Variants in SEC23IP observed in about 807,000 individuals in gnomAD.
SEC23IP encodes the protein SEC23-interacting protein.
In SEC23IP, 70 loss-of-function variants were observed where a neutral mutation model predicts 113.4. That is an observed-to-expected ratio of 0.62 (90% CI 0.51 to 0.75). The LOEUF is 0.75. Among genes scored for constraint, SEC23IP ranks in the 30% least tolerant of loss-of-function variants. The pLI is 0.00. For missense variants in SEC23IP, 1,160 were observed against 1,204.9 expected (o/e 0.96, Z 0.55); for synonymous variants, 398 against 421.0 (o/e 0.95, Z 0.67).
chr10:119,913,977 C>A (rs561964376), intron 6 of SEC23IP, among the ~76,000 whole-genome samples: 179 of 151,876 alleles, frequency 1.2e-3, no homozygotes, highest in South Asian at 2.1e-3. Flanking sequence ...CTTGGTGAAA[C>A]CCTGTCTCTA....
At chr10:119,900,953 T>TG (rs1171393966) in intron 2 of SEC23IP, among the ~76,000 whole-genome samples, 2 of 151,282 alleles carry the variant, frequency 1.3e-5, no homozygotes, top group Admixed American at 6.6e-5. Flanking sequence ...TATTTTTTTT[T>TG]TGTGTGAACA....
At chr10:119,904,790 C>T (rs980624820) in intron 4 of SEC23IP, 4 of 153,088 alleles carry the variant, frequency 2.6e-5, no homozygotes, top group East Asian at 3.8e-4. Flanking sequence ...ATTTGAAATA[C>T]GTTCAGTGAA....
At chr10:119,921,024 G>A in intron 12 of SEC23IP, 40 bp downstream of exon 12, 1 of 1,384,328 alleles carries the variant, frequency 7.2e-7, no homozygotes. Context: ...TAAAACTCAT[G>A]GTGTGACCAG....
In SEC23IP at chr10:119,943,847, T is replaced by C. The variant is rs888719436; in HGVS notation, c.*3282T>C. On this transcript the variant is annotated 3_prime_UTR_variant, in exon 19 of 19. Transcript: ENST00000369075. ...GACACATCTGTGAGATAGTGGGCAATGCTACATATTCGTTAGTGGATGTGC... is the reference window on the plus strand; with the variant it reads ...GACACATCTGTGAGATAGTGGGCAACGCTACATATTCGTTAGTGGATGTGC... The C allele has an allele frequency of 2.0e-5, 3 of 152,348 alleles. No individual in the cohort carries two copies. Among genetic ancestry groups the C allele is most frequent in the Admixed American group, 2.0e-4 (3 of 15,304 alleles). The allele number at this position is 152,348 out of a possible 1,614,324, so 9.4% of individuals were successfully genotyped here. A position where few individuals can be genotyped will look rare whatever the true frequency, so the allele number is the denominator to read the frequency against.
At position 119,943,391 on chromosome 10, in the gene SEC23IP, T is replaced by G. The variant is rs1215920760; in HGVS notation, c.*2826T>G. Reference sequence around the variant, plus strand: ...TCAGCTAACCTGTCTTCATGACATTTCTATAATACTCCTCAGGGGGTTAAC... The same window carrying G: ...TCAGCTAACCTGTCTTCATGACATTGCTATAATACTCCTCAGGGGGTTAAC... On this transcript the variant is annotated 3_prime_UTR_variant, in exon 19 of 19. Transcript: ENST00000369075. 6.6e-6 allele frequency: 1 copy of G among 152,096 alleles called. No individual in the cohort carries two copies. 9.4% of individuals were successfully genotyped at this position (152,096 alleles called of 1,614,324 possible).
At chr10:119,937,010 C>G (rs764544665) in intron 18 of SEC23IP, among the ~76,000 whole-genome samples, 5 of 151,792 alleles carry the variant, frequency 3.3e-5, no homozygotes, top group Non-Finnish European at 7.4e-5. Context: ...GCCTTAGCCT[C>G]CCGAGTAGCT....
chr10:119,932,081 A>G, intron 15 of SEC23IP, 52 bp from the exon 16 acceptor site: 7 of 1,208,204 alleles, frequency 5.8e-6, no homozygotes, highest in African/African-American at 1.5e-5. Flanking sequence ...TTTGTGAGGC[A>G]GAAGTTTACC....
chr10:119,913,496 C>CTT (rs558792370), intron 6 of SEC23IP, among the ~76,000 whole-genome samples: 7,678 of 144,368 alleles, frequency 0.053, 390 homozygotes, highest in South Asian at 0.27. Flanking sequence ...TTCCATAAAG[C>CTT]TTTTTTTTTT....
chr10:119,943,529 G>C lies in SEC23IP; in HGVS notation c.*2964G>C, dbSNP rs908855885. On this transcript the variant is annotated 3_prime_UTR_variant, in exon 19 of 19. Coordinates refer to ENST00000369075, the MANE Select transcript of SEC23IP (RefSeq NM_007190.4). ...TGCTTGAACCCAGGAGGTGGAGGTTGCAGTGAGTTGGGATCTCGCCACTGC... is the reference window on the plus strand; with the variant it reads ...TGCTTGAACCCAGGAGGTGGAGGTTCCAGTGAGTTGGGATCTCGCCACTGC... The C allele has an allele frequency of 2.0e-5, 3 of 152,240 alleles. No individual in the cohort carries two copies. The highest frequency in any genetic ancestry group is 7.2e-5 in the African/African-American group (3 of 41,446). The allele number at this position is 152,240 out of a possible 1,614,324, so 9.4% of individuals were successfully genotyped here.
intron 1 of SEC23IP, among the ~76,000 whole-genome samples, chr10:119,896,597 A>C (rs1187324170): frequency 1.3e-5 from 2 of 152,212 alleles, no homozygotes; most frequent in Non-Finnish European, 2.9e-5. Flanking sequence ...CAAATATACA[A>C]GTGCCTGTTA....
chr10:119,893,658 T>C (rs1300766926), intron 1 of SEC23IP, among the ~76,000 whole-genome samples: 1 of 151,872 alleles, frequency 6.6e-6, no homozygotes, highest in Non-Finnish European at 1.5e-5. Context: ...TAGCTGGGAC[T>C]ACAGGCGTCT....
chr10:119,898,209 G>A, intron 1 of SEC23IP: 1 of 824,512 alleles, frequency 1.2e-6, no homozygotes, highest in Non-Finnish European at 1.7e-6. Context: ...AATTATAATT[G>A]TTTCCTCTTA....
intron 5 of SEC23IP, among the ~76,000 whole-genome samples, chr10:119,909,772 G>A (rs1175996605): frequency 6.6e-6 from 1 of 151,874 alleles, no homozygotes; most frequent in Non-Finnish European, 1.5e-5. Context: ...GTGTGCACCT[G>A]TCTAGCTACT....
chr10:119,909,649 C>T (rs953978082), intron 5 of SEC23IP, among the ~76,000 whole-genome samples: 8 of 152,010 alleles, frequency 5.3e-5, no homozygotes, highest in Non-Finnish European at 1.0e-4. Context: ...GTAATCCCAG[C>T]GCTTTGGGAA....
chr10:119,901,679 CTT>C (rs1854503638), intron 2 of SEC23IP, among the ~76,000 whole-genome samples: 1 of 152,042 alleles, frequency 6.6e-6, no homozygotes, highest in African/African-American at 2.4e-5. Flanking sequence ...TTGGGGATAA[CTT>C]TTTATTTTTA....
chr10:119,893,514 CTTTTTT>C (rs60552712), intron 1 of SEC23IP, among the ~76,000 whole-genome samples: 5 of 85,372 alleles, frequency 5.9e-5, no homozygotes, highest in African/African-American at 2.5e-4. Context: ...CATTCCTTAT[CTTTTTT>C]TTTTTTTTTT....
chr10:119,927,707 A>G (rs1455613972), intron 13 of SEC23IP, among the ~76,000 whole-genome samples: 1 of 152,252 alleles, frequency 6.6e-6, no homozygotes, highest in African/African-American at 2.4e-5. Context: ...ATTAGGGGTT[A>G]GGACTTCAAC....
At chr10:119,912,316 A>G in intron 6 of SEC23IP, 152 bp downstream of exon 6, 1 of 931,882 alleles carries the variant, frequency 1.1e-6, no homozygotes, top group East Asian at 2.8e-5. Flanking sequence ...TATTTTTTGT[A>G]GAGATGAAGT....
rs563912428 is a variant in SEC23IP, at chr10:119,916,017, T to A, written c.1544+128T>A. 8.4e-6 allele frequency: 6 copies of A among 715,538 alleles called. No individual in the cohort carries two copies. The South Asian group carries it at 1.7e-4, about 20-fold the overall frequency. The allele number at this position is 715,538 out of a possible 1,614,324, so 44.3% of individuals were successfully genotyped here. ...TTAAAAATTGTATACTTCTGACATA[T>A]AATTAAATATTGGCTGTAAAGTTTA... On this transcript the variant is annotated intron_variant, in intron 8 of 18. Transcript: ENST00000369075.
Sources: gnomAD v4.1 joint callset for allele counts (sites outside exome capture counted in the v4.1 genomes callset) on GRCh38, gnomAD v4.1.1 for gene constraint, MANE v1.5 for transcripts, NCBI Gene and HGNC (gene_info 2026-07-23, HGNC 2026-07-21) for gene names.